MAPK8IP2: variants seen among roughly 807,000 people sequenced by gnomAD.
The protein encoded by MAPK8IP2 is C-Jun-amino-terminal kinase-interacting protein 2.
In MAPK8IP2, 15 loss-of-function variants were observed where a neutral mutation model predicts 75.6. That is an observed-to-expected ratio of 0.20 (90% CI 0.13 to 0.31). The LOEUF is 0.31. Ranked by LOEUF, MAPK8IP2 falls within the 10% of genes least tolerant of loss-of-function variation. The pLI is 1.00. For synonymous variants in MAPK8IP2, 632 were observed against 554.5 expected, an observed-to-expected ratio of 1.14 and a Z score of -1.96; for missense variants, 1,089 against 1,211.2, an observed-to-expected ratio of 0.90 and a Z score of 1.50.
rs553614719 is a variant in MAPK8IP2, at chr22:50,610,944, C to T, written c.*165C>T. ...GAACTCTCGTCCTCGGTCCCCAGGG[C>T]GCAGCTGTTGGGGCTGCGGGGGAGT... is the stretch of plus-strand genomic sequence containing the variant. On this transcript the variant is annotated 3_prime_UTR_variant, in exon 12 of 12. Transcript: ENST00000329492. The surrounding 1 kb of genome is among the most constrained non-coding windows in gnomAD (Gnocchi z 4.3). 1.1e-4 allele frequency: 66 copies of T among 601,650 alleles called. No homozygotes were observed. The highest frequency in any genetic ancestry group is 3.4e-4 in the African/African-American group (18 of 53,224). 37.3% of individuals were successfully genotyped at this position (601,650 alleles called of 1,614,324 possible).
At position 50,607,070 on chromosome 22, in the gene MAPK8IP2, GACCCTGA is replaced by G; in HGVS notation, c.2303+80_2303+86del. 8.6e-7 allele frequency: 1 copy of G among 1,168,024 alleles called. No individual in the cohort carries two copies. Among genetic ancestry groups the G allele is most frequent in the South Asian group, 1.2e-5 (1 of 81,152 alleles). The allele number at this position is 1,168,024 out of a possible 1,614,324, so 72.4% of individuals were successfully genotyped here. On this transcript the variant is annotated intron_variant, in intron 10 of 11. Transcript: ENST00000329492. The surrounding 1 kb of genome is among the most constrained non-coding windows in gnomAD (Gnocchi z 5.6). ...TCCAACCGCCCCCTGAGTCCCCACA[GACCCTGA>G]GGGCTGCCCGTGCCCAGCCCTGAGA...
intron 10 of MAPK8IP2, among the ~76,000 whole-genome samples, chr22:50,608,025 G>A (rs867441207): frequency 3.9e-5 from 6 of 152,138 alleles, no homozygotes; most frequent in South Asian, 2.1e-4. Flanking sequence ...AAGGACTTGC[G>A]GGGAGTTGGA....
chr22:50,606,466 C>G (rs563477132), intron 8 of MAPK8IP2, among the ~76,000 whole-genome samples, 192 bp from the exon 9 acceptor site: 1 of 117,822 alleles, frequency 8.5e-6, no homozygotes, highest in Non-Finnish European at 1.9e-5. Flanking sequence ...TGCAGAGAGG[C>G]GATTGCTCCT....
At chr22:50,603,182 T>G (rs762044654) in intron 2 of MAPK8IP2, 41 bp from the exon 3 acceptor site, 2 of 1,612,200 alleles carry the variant, frequency 1.2e-6, no homozygotes, top group African/African-American at 1.3e-5. Flanking sequence ...GGGCTACTGC[T>G]GCCCTCTGGC....
At position 50,605,902 on chromosome 22, in the gene MAPK8IP2, G is replaced by A. The variant is rs1458930209; in HGVS notation, c.2092G>A (p.Gly698Ser). 4 of 1,584,356 alleles carry A rather than the reference G, an allele frequency of 2.5e-6. No individual in the cohort carries two copies. Among genetic ancestry groups the A allele is most frequent in the Non-Finnish European group, 3.4e-6 (4 of 1,167,088 alleles). ...LGSVEVPCHQ[G>S]NGILCAAMQK... ...CTCCGTGGAGGTGCCCTGCCACCAG[G>A]GCAACGGCATCCTGTGTGCAGCCAT... The change falls in exon 8 of 12, where the codon GGC becomes AGC. Residue 698 changes from glycine to serine, a missense_variant. Physicochemically the swap from Gly to Ser is moderately conservative, Grantham distance 56. Around this residue, in one of 2 missense-constraint regions of MAPK8IP2, gnomAD observed 129 missense variants for 201.7 expected, o/e 0.64. Coordinates refer to ENST00000329492, the MANE Select transcript of MAPK8IP2 (RefSeq NM_012324.6).
rs768482382 is a variant in MAPK8IP2 at position 50,610,721 on chromosome 22, A to T, written c.2417A>T (p.Glu806Val). ...TCTTTCCCCAGCCGCGCCTTCCTGG[A>T]GTACTACCAAGAGCACCTGGCGTAC... ...VAQSVGRAFL[E>V]YYQEHLAYAC... The change falls in exon 12 of 12, where the codon GAG becomes GTG. Residue 806 changes from glutamate (E) to valine (V), a missense_variant. Glu to Val is a moderately radical substitution (Grantham distance 121). Around this residue, in one of 2 missense-constraint regions of MAPK8IP2, gnomAD observed 129 missense variants for 201.7 expected, o/e 0.64. Coordinates refer to ENST00000329492, the MANE Select transcript of MAPK8IP2 (RefSeq NM_012324.6). This position sits in a 1 kb window ranked among gnomAD's most constrained non-coding sequence, Gnocchi z 4.3. 1 of 1,609,292 alleles carries T rather than the reference A, an allele frequency of 6.2e-7. No individual in the cohort carries two copies. Among genetic ancestry groups the T allele is most frequent in the Non-Finnish European group, 8.5e-7 (1 of 1,178,338 alleles).
chr22:50,609,293 T>C (rs2071105701), intron 10 of MAPK8IP2, among the ~76,000 whole-genome samples: 1 of 152,126 alleles, frequency 6.6e-6, no homozygotes, highest in South Asian at 2.1e-4. Context: ...CTGTGTGTCC[T>C]GGGCAAGCTC....
In MAPK8IP2 at chr22:50,604,745, C is replaced by T. The variant is rs1022926551; in HGVS notation, c.1446C>T (p.Ala482=). Residue 482 remains alanine, a synonymous_variant, in exon 5 of 12, where the codon GCC becomes GCT. Transcript: ENST00000329492. ...DEEDDEEEED[A]EDSAGSPGGR... ...AGGACGACGAGGAAGAGGAGGATGC[C>T]GAGGACAGTGCGGGGTCCCCCGGGG... 1.9e-6 allele frequency: 3 copies of T among 1,540,500 alleles called. No individual in the cohort carries two copies. The highest frequency in any genetic ancestry group is 1.2e-5 in the South Asian group (1 of 83,514).
chr22:50,606,868 G>T (rs1227132649), intron 9 of MAPK8IP2, 53 bp from the exon 10 acceptor site: 10 of 1,600,258 alleles, frequency 6.2e-6, no homozygotes, highest in Non-Finnish European at 7.7e-6. Flanking sequence ...TGGGAGGCAG[G>T]GGTGGCGCCA....
Position 50,604,855 on chromosome 22 carries a change from C to T in MAPK8IP2, c.1556C>T (p.Thr519Met), listed in dbSNP as rs1395409672. The T allele has an allele frequency of 1.8e-5, 28 of 1,595,256 alleles. No homozygotes were observed. The highest frequency in any genetic ancestry group is 2.3e-5 in the East Asian group (1 of 44,096). Residue 519 changes from threonine to methionine, a missense_variant, in exon 5 of 12, where the codon ACG becomes ATG. Thr to Met is a moderately conservative substitution (Grantham distance 81). Coordinates refer to ENST00000329492, the MANE Select transcript of MAPK8IP2 (RefSeq NM_012324.6). ...TACACGCTGGTGGTGGATGAGCACA[C>T]GCAGCTGGAGCTGGTGAGCCTGCGG... ...VKYTLVVDEH[T>M]QLELVSLRRC...
chr22:50,603,517 A>T lies in MAPK8IP2; in HGVS notation c.447+19A>T, dbSNP rs1379763337. Reference sequence around the variant, plus strand: ...GGCCCAGGTGAGTGCCCGGACCCACAGCTCCCTGGAGCTGAGCCTGGGTTC... The same window carrying T: ...GGCCCAGGTGAGTGCCCGGACCCACTGCTCCCTGGAGCTGAGCCTGGGTTC... On this transcript the variant is annotated intron_variant, in intron 3 of 11. Coordinates refer to ENST00000329492, the MANE Select transcript of MAPK8IP2 (RefSeq NM_012324.6). 8 of 1,564,846 alleles carry T rather than the reference A, an allele frequency of 5.1e-6. No individual in the cohort carries two copies. The highest frequency in any genetic ancestry group is 6.9e-6 in the Non-Finnish European group (8 of 1,151,236).
In MAPK8IP2 at chr22:50,604,784, C is replaced by T. The variant is rs2071015335; in HGVS notation, c.1485C>T (p.Gly495=). Residue 495 remains glycine, a synonymous_variant, in exon 5 of 12, where the codon GGC becomes GGT. Coordinates refer to ENST00000329492, the MANE Select transcript of MAPK8IP2 (RefSeq NM_012324.6). ...SAGSPGGRGT[G]PSAPRDASLV... ...GGTCCCCCGGGGGCAGGGGCACGGG[C>T]CCCTCGGCGCCGCGGGACGCGTCGC... is the stretch of plus-strand genomic sequence containing the variant. 2.6e-6 allele frequency: 4 copies of T among 1,546,064 alleles called. No homozygotes were observed. The highest frequency in any genetic ancestry group is 3.5e-6 in the Non-Finnish European group (4 of 1,146,364).
intron 8 of MAPK8IP2, 113 bp downstream of exon 8, chr22:50,606,047 G>GACCCTCCCT: frequency 2.2e-6 from 2 of 890,824 alleles, no homozygotes; most frequent in Non-Finnish European, 3.4e-6. Flanking sequence ...ATTTCCTCCA[G>GACCCTCCCT]GGAGGGTCTG....
chr22:50,600,978 G>C, intron 1 of MAPK8IP2, 95 bp downstream of exon 1: 1 of 279,982 alleles, frequency 3.6e-6, no homozygotes. Flanking sequence ...CGCCGCCCCA[G>C]CCCCGCCGCC....
Position 50,603,287 on chromosome 22 carries a change from A to C in MAPK8IP2, c.236A>C (p.Gln79Pro), listed in dbSNP as rs1201577750. The C allele has an allele frequency of 6.3e-7, 1 of 1,584,676 alleles. No homozygotes were observed. The highest frequency in any genetic ancestry group is 8.6e-7 in the Non-Finnish European group (1 of 1,167,290). The change falls in exon 3 of 12, where the codon CAG (glutamine) becomes CCG (proline). Residue 79 changes from glutamine to proline, a missense_variant. Coordinates refer to ENST00000329492, the MANE Select transcript of MAPK8IP2 (RefSeq NM_012324.6). ...HPICSFQDDF[Q>P]EFEMIDDNEE... ...ATCTGCTCCTTCCAGGATGACTTCCAGGAGTTTGAGATGATCGATGACAAT... is the reference window on the plus strand; with the variant it reads ...ATCTGCTCCTTCCAGGATGACTTCCCGGAGTTTGAGATGATCGATGACAAT...
At position 50,603,394 on chromosome 22, in the gene MAPK8IP2, G is replaced by A. The variant is rs1414644382; in HGVS notation, c.343G>A (p.Gly115Ser). 1.9e-6 allele frequency: 3 copies of A among 1,556,472 alleles called. No individual in the cohort carries two copies. Among genetic ancestry groups the A allele is most frequent in the Non-Finnish European group, 1.7e-6 (2 of 1,151,256 alleles). ...GGAAGGCCAGGAGGGAGGAGACCCTGGCTCAGAGGCACCTGCCCCCGGGCC... is the reference window on the plus strand; with the variant it reads ...GGAAGGCCAGGAGGGAGGAGACCCTAGCTCAGAGGCACCTGCCCCCGGGCC... Reference protein sequence around the residue: ...DGEGQEGGDPGSEAPAPGPLI... With the variant: ...DGEGQEGGDPSSEAPAPGPLI... Residue 115 changes from glycine (G) to serine (S), a missense_variant, in exon 3 of 12, where the codon GGC becomes AGC. Transcript: ENST00000329492.
In MAPK8IP2 at chr22:50,603,261, C is replaced by T; in HGVS notation, c.210C>T (p.Pro70=). Residue 70 remains proline, a synonymous_variant, in exon 3 of 12, where the codon CCC becomes CCT. Transcript: ENST00000329492. ...LSLGRSEQPH[P]ICSFQDDFQE... ...TGGGGCGCTCGGAGCAGCCGCACCCCATCTGCTCCTTCCAGGATGACTTCC... is the reference window on the plus strand; with the variant it reads ...TGGGGCGCTCGGAGCAGCCGCACCCTATCTGCTCCTTCCAGGATGACTTCC... The T allele has an allele frequency of 1.9e-6, 3 of 1,602,634 alleles. No homozygotes were observed. The highest frequency in any genetic ancestry group is 2.6e-6 in the Non-Finnish European group (3 of 1,175,976).
At chr22:50,603,793 G>A in intron 4 of MAPK8IP2, 48 bp from the exon 5 acceptor site, 1 of 1,537,180 alleles carries the variant, frequency 6.5e-7, no homozygotes, top group Non-Finnish European at 8.8e-7. Flanking sequence ...GCTGCTGGAA[G>A]AGGCCTGGGT....
intron 1 of MAPK8IP2, 24 bp from the exon 2 acceptor site, chr22:50,601,765 C>G: frequency 6.2e-7 from 1 of 1,601,110 alleles, no homozygotes; most frequent in Non-Finnish European, 8.6e-7. Flanking sequence ...GTTGGTGGCT[C>G]TCTGACCCTG....
Sources: gnomAD v4.1 joint callset for allele counts (sites outside exome capture counted in the v4.1 genomes callset) on GRCh38, gnomAD v4.1.1 for gene constraint, gnomAD v4.1.1 regional missense constraint, Gnocchi (gnomAD v3.1) non-coding constraint, MANE v1.5 for transcripts, NCBI Gene and HGNC (gene_info 2026-07-23, HGNC 2026-07-21) for gene names.